The following SMAD6 variants were observed in gnomAD, a reference collection of about 807,000 sequenced individuals.
The protein encoded by SMAD6 is SMAD family member 6.
In SMAD6, 103 loss-of-function variants were observed where a neutral mutation model predicts 39.4. The observed-to-expected ratio is 2.62, with a 90% CI of 2.23 to 3.08. The LOEUF (loss-of-function observed/expected upper bound fraction) is 3.08. SMAD6 is among the 30% of genes most tolerant of loss of function. The pLI, the probability that SMAD6 is intolerant of heterozygous loss-of-function variation, is 0.00. For synonymous variants in SMAD6, 445 were observed against 353.3 expected, an observed-to-expected ratio of 1.26 and a Z score of -2.91; for missense variants, 1,104 against 742.9, an observed-to-expected ratio of 1.49 and a Z score of -5.65.
chr15:66,706,243 A>T (rs1023581644), intron 1 of SMAD6: 1 of 152,206 alleles, frequency 6.6e-6, no homozygotes, highest in Non-Finnish European at 1.5e-5. Context: ...CGTGCTGGTC[A>T]GTGGGGGTGG....
Position 66,747,381 on chromosome 15 carries a change from G to A in SMAD6, c.952+30883G>A, listed in dbSNP as rs1465214817. 2.0e-5 allele frequency among the ~76,000 whole-genome samples: 3 copies of A among 152,244 alleles called. No homozygotes were observed. The highest frequency in any genetic ancestry group is 7.2e-5 in the African/African-American group (3 of 41,460). The stretch of plus-strand genomic sequence containing the variant: ...TTGATTTGGACTGCCTCCGTCAGCA[G>A]GAGGCTCTGGCCAGACTCTGCTTCC... On this transcript the variant is annotated intron_variant, in intron 3 of 3. Coordinates refer to ENST00000288840, the MANE Select transcript of SMAD6 (RefSeq NM_005585.5). The surrounding 1 kb of genome is among the most constrained non-coding windows in gnomAD (Gnocchi z 4.5).
intron 3 of SMAD6, chr15:66,717,064 C>T: frequency 7.8e-7 from 1 of 1,289,164 alleles, no homozygotes; most frequent in Non-Finnish European, 1.0e-6. Context: ...CCTCTGTCCC[C>T]TGCAGTTAGA....
intron 3 of SMAD6, among the ~76,000 whole-genome samples, chr15:66,752,360 G>T (rs1451001528): frequency 3.3e-5 from 5 of 152,190 alleles, no homozygotes; most frequent in African/African-American, 1.2e-4. Flanking sequence ...GTCTTGTGTT[G>T]GCTCTCTGTG....
At chr15:66,742,683 C>A (rs1431445834) in intron 3 of SMAD6, among the ~76,000 whole-genome samples, 3 of 152,132 alleles carry the variant, frequency 2.0e-5, no homozygotes, top group Non-Finnish European at 2.9e-5. Flanking sequence ...GCTACGTACT[C>A]CCTCATAATG....
intron 3 of SMAD6, chr15:66,717,558 G>C (rs1893354651): frequency 2.3e-6 from 1 of 426,060 alleles, no homozygotes; most frequent in Admixed American, 2.4e-5. Context: ...TCTTGATGTA[G>C]TCTCTCTGCA....
rs763029325 is a variant in SMAD6 at position 66,703,365 on chromosome 15, A to C, written c.107A>C (p.Asp36Ala). ...GSGGGGGGDE[D>A]GSLGSRAEPA... ...GGCGGCGGCGGTGGCGGCGACGAGG[A>C]TGGGAGCTTGGGCAGCCGAGCTGAG... The change falls in exon 1 of 4, where the codon GAT becomes GCT. Residue 36 changes from aspartate (D) to alanine (A), a missense_variant. Coordinates refer to ENST00000288840, the MANE Select transcript of SMAD6 (RefSeq NM_005585.5). 36 of 1,473,872 alleles carry C rather than the reference A, an allele frequency of 2.4e-5. 1 individual carries two copies. In the South Asian group the frequency reaches 4.5e-4, roughly 18 times the overall value. The allele number at this position is 1,473,872 out of a possible 1,614,324, so 91.3% of individuals were successfully genotyped here.
intron 3 of SMAD6, among the ~76,000 whole-genome samples, chr15:66,729,747 C>G (rs556664796): frequency 6.6e-6 from 1 of 152,172 alleles, no homozygotes; most frequent in South Asian, 2.1e-4. Flanking sequence ...AGGCTTGATT[C>G]ACGACCGAGT....
chr15:66,777,297 GC>G (rs138704639), intron 3 of SMAD6, among the ~76,000 whole-genome samples: 203 of 152,284 alleles, frequency 1.3e-3, no homozygotes, highest in Non-Finnish European at 2.4e-3. Flanking sequence ...GAGCCCAGCA[GC>G]CTACCTGCTG....
intron 3 of SMAD6, among the ~76,000 whole-genome samples, chr15:66,738,300 G>T (rs1424633169): frequency 1.3e-5 from 2 of 152,184 alleles, no homozygotes; most frequent in African/African-American, 4.8e-5. Flanking sequence ...GAGGGAGGAT[G>T]GTGAAGCACA....
chr15:66,743,691 T>A (rs1006970444), intron 3 of SMAD6, among the ~76,000 whole-genome samples: 4 of 152,156 alleles, frequency 2.6e-5, no homozygotes, highest in Non-Finnish European at 5.9e-5. Flanking sequence ...AATAATTATA[T>A]TATTCTTCTT....
Position 66,781,126 on chromosome 15 carries a change from CTCAGGGCAG to C in SMAD6, c.1083_1091del (p.Gln362_Ser364del). The stretch of plus-strand genomic sequence containing the variant: ...GCCGTCAGCATCTTCTACGACCTAC[CTCAGGGCAG>C]CGGCTTCTGCCTGGGCCAGCTCAAC... On this transcript the variant is annotated inframe_deletion, in exon 4 of 4. Transcript: ENST00000288840. 6.2e-7 allele frequency: 1 copy of C among 1,608,914 alleles called. No homozygotes were observed. Among genetic ancestry groups the C allele is most frequent in the Non-Finnish European group, 8.5e-7 (1 of 1,179,768 alleles).
At chr15:66,744,791 G>T (rs1163215256) in intron 3 of SMAD6, among the ~76,000 whole-genome samples, 1 of 152,186 alleles carries the variant, frequency 6.6e-6, no homozygotes, top group Admixed American at 6.5e-5. Flanking sequence ...AGCCCTCATC[G>T]CCAGTCCCTC....
intron 3 of SMAD6, among the ~76,000 whole-genome samples, chr15:66,771,564 C>T (rs1894379404): frequency 6.6e-6 from 1 of 152,168 alleles, no homozygotes; most frequent in African/African-American, 2.4e-5. Flanking sequence ...TACCCCAGAT[C>T]ACTCCTAAAC....
At chr15:66,780,760 C>T (rs1011166499) in intron 3 of SMAD6, among the ~76,000 whole-genome samples, 1 of 152,220 alleles carries the variant, frequency 6.6e-6, no homozygotes, top group African/African-American at 2.4e-5. Flanking sequence ...CTGGCTTGCA[C>T]TCTGTGGCTC....
intron 3 of SMAD6, among the ~76,000 whole-genome samples, chr15:66,771,206 T>C (rs1189479760): frequency 6.6e-6 from 1 of 152,122 alleles, no homozygotes; most frequent in African/African-American, 2.4e-5. Context: ...CCTTGCCCGT[T>C]GGAGTGGTAA....
intron 3 of SMAD6, among the ~76,000 whole-genome samples, chr15:66,773,643 G>T (rs1291353553): frequency 6.6e-6 from 1 of 152,072 alleles, no homozygotes; most frequent in Admixed American, 6.5e-5. Context: ...AAAAGCTGCC[G>T]GTTGGACTGG....
At chr15:66,730,074 T>A (rs931129487) in intron 3 of SMAD6, among the ~76,000 whole-genome samples, 1 of 152,220 alleles carries the variant, frequency 6.6e-6, no homozygotes, top group Non-Finnish European at 1.5e-5. Flanking sequence ...CTTGCCCAGA[T>A]GCGGGGACAC....
At position 66,782,039 on chromosome 15, in the gene SMAD6, G is replaced by C; in HGVS notation, c.*504G>C. 1 of 398,372 alleles carries C rather than the reference G, an allele frequency of 2.5e-6. No individual in the cohort carries two copies. The highest frequency in any genetic ancestry group is 4.4e-6 in the Non-Finnish European group (1 of 225,928). 24.7% of individuals were successfully genotyped at this position (398,372 alleles called of 1,614,324 possible). A position where few individuals can be genotyped will look rare whatever the true frequency, so the allele number is the denominator to read the frequency against. ...ACAAAGAGGGGCAGGTAGGGCTTCA[G>C]CGGATTTCTGACCCATCATGTACCT... On this transcript the variant is annotated 3_prime_UTR_variant, in exon 4 of 4. Transcript: ENST00000288840.
Position 66,704,082 on chromosome 15 carries a change from G to C in SMAD6, c.817+7G>C. 13 of 1,463,602 alleles carry C rather than the reference G, an allele frequency of 8.9e-6. No homozygotes were observed. The highest frequency in any genetic ancestry group is 1.3e-5 in the South Asian group (1 of 76,136). 90.7% of individuals were successfully genotyped at this position (1,463,602 alleles called of 1,614,324 possible). A position where few individuals can be genotyped will look rare whatever the true frequency, so the allele number is the denominator to read the frequency against. The stretch of plus-strand genomic sequence containing the variant: ...AGCCGGCTCTGCGGGCCCGGTGAGC[G>C]CGCTGCGCCGGCCGGGGGGGCCCCG... On this transcript the variant is annotated splice_region_variant and intron_variant, in intron 1 of 3. Coordinates refer to ENST00000288840, the MANE Select transcript of SMAD6 (RefSeq NM_005585.5).
Sources: allele counts gnomAD v4.1 joint callset (sites outside exome capture counted in the v4.1 genomes callset), GRCh38; gene constraint gnomAD v4.1.1; non-coding constraint Gnocchi (gnomAD v3.1); transcripts MANE v1.5; gene names NCBI Gene and HGNC (gene_info 2026-07-23, HGNC 2026-07-21).